TNRC6A: variants seen among roughly 807,000 people sequenced by gnomAD.
TNRC6A encodes trinucleotide repeat-containing gene 6A protein.
TNRC6A carries 44 observed loss-of-function variants against 221.2 expected under a neutral mutation model. That is an observed-to-expected ratio of 0.20 (90% CI 0.16 to 0.26). TNRC6A has a LOEUF of 0.26. TNRC6A is among the 10% of genes least tolerant of loss of function. The pLI is 1.00. For synonymous variants in TNRC6A, 847 were observed against 838.5 expected (o/e 1.01, Z -0.18); for missense variants, 2,199 against 2,404.4 (o/e 0.91, Z 1.79).
chr16:24,691,365 G>A (rs995411324), intron 2 of TNRC6A, among the ~76,000 whole-genome samples: 3 of 152,020 alleles, frequency 2.0e-5, no homozygotes, highest in East Asian at 1.9e-4. Context: ...TAACAGGCAT[G>A]AGCCACTGCG....
intron 1 of TNRC6A, among the ~76,000 whole-genome samples, chr16:24,618,823 T>C (rs1359994300): frequency 1.3e-5 from 2 of 150,790 alleles, no homozygotes; most frequent in Non-Finnish European, 3.0e-5. Context: ...AGAGATGGGG[T>C]TTCACCATGT....
At chr16:24,811,497 A>G (rs1323501557) in intron 18 of TNRC6A, among the ~76,000 whole-genome samples, 1 of 152,178 alleles carries the variant, frequency 6.6e-6, no homozygotes, top group Non-Finnish European at 1.5e-5. Flanking sequence ...TGAAGCTGAG[A>G]TATGAAAGAT....
rs769363595 is a variant in TNRC6A, at chr16:24,791,758, T to C, written c.3116T>C (p.Val1039Ala). The C allele has an allele frequency of 6.2e-7, 1 of 1,601,248 alleles. No homozygotes were observed. The highest frequency in any genetic ancestry group is 1.3e-5 in the African/African-American group (1 of 74,084). ...GNSRSDQQAQ[V>A]HQLLTPASAI... ...AGCCGTTCAGACCAGCAAGCACAGG[T>C]ACATCAGCTGCTAACGCCTGCAAGT... Residue 1039 changes from valine to alanine, a missense_variant, in exon 6 of 25, where the codon GTA (valine) becomes GCA (alanine). By Grantham distance (64) the Val-to-Ala change is moderately conservative. Around this residue, in one of 8 missense-constraint regions of TNRC6A, gnomAD observed 1,405 missense variants for 1,400.2 expected, o/e 1.00. Coordinates refer to ENST00000395799, the MANE Select transcript of TNRC6A (RefSeq NM_014494.4).
chr16:24,696,751 G>GAAAAAAAAAAAA (rs2055872388), intron 2 of TNRC6A, among the ~76,000 whole-genome samples: 2 of 42,632 alleles, frequency 4.7e-5, no homozygotes, highest in African/African-American at 2.3e-4. Flanking sequence ...AAAAAGAAAG[G>GAAAAAAAAAAAA]AAAGGAAAGG....
chr16:24,721,949 AT>A (rs772080125), intron 2 of TNRC6A, among the ~76,000 whole-genome samples: 1 of 152,134 alleles, frequency 6.6e-6, no homozygotes, highest in Non-Finnish European at 1.5e-5. Context: ...GACAGCACTA[AT>A]TTGTGGTGAT....
At chr16:24,806,392 G>A in intron 16 of TNRC6A, 109 bp downstream of exon 16, 1 of 1,429,362 alleles carries the variant, frequency 7.0e-7, no homozygotes, top group Non-Finnish European at 9.6e-7. Flanking sequence ...ATCTTACTAA[G>A]ATGTAATGCA....
At chr16:24,800,190 G>A (rs1482283443) in intron 11 of TNRC6A, among the ~76,000 whole-genome samples, 3 of 152,198 alleles carry the variant, frequency 2.0e-5, no homozygotes, top group Non-Finnish European at 1.5e-5. Flanking sequence ...TGAGTGTTCT[G>A]TAAGTGGCTC....
chr16:24,786,532 T>C (rs1174060760), intron 5 of TNRC6A, among the ~76,000 whole-genome samples: 1 of 151,870 alleles, frequency 6.6e-6, no homozygotes, highest in Admixed American at 6.6e-5. Context: ...GCCAGGATGG[T>C]CTCGATCTGC....
chr16:24,736,692 A>G (rs1306845982), intron 2 of TNRC6A, among the ~76,000 whole-genome samples: 1 of 152,186 alleles, frequency 6.6e-6, no homozygotes, highest in Non-Finnish European at 1.5e-5. Flanking sequence ...TGTCTTCAGT[A>G]TTCCCTCCCC....
At chr16:24,664,799 ACACACACACAC>A in intron 2 of TNRC6A, 1 of 431,890 alleles carries the variant, frequency 2.3e-6, no homozygotes, top group African/African-American at 2.2e-5. Context: ...ACACACACAC[ACACACACACAC>A]ACAAAACCTA....
chr16:24,629,576 T>C (rs1901226201), intron 1 of TNRC6A, among the ~76,000 whole-genome samples: 1 of 152,222 alleles, frequency 6.6e-6, no homozygotes, highest in Non-Finnish European at 1.5e-5. Context: ...CGCCCAGTAC[T>C]GCCCCCTAAT....
At chr16:24,648,274 C>CTTTTTTTTTTTTTTT (rs71156430) in intron 2 of TNRC6A, among the ~76,000 whole-genome samples, 2,223 of 97,612 alleles carry the variant, frequency 0.023, 355 homozygotes, top group African/African-American at 0.045. Context: ...TCCACAGCAA[C>CTTTTTTTTTTTTTTT]TTTTTTTTTT....
chr16:24,752,812 G>C (rs761897815), intron 3 of TNRC6A, among the ~76,000 whole-genome samples: 4 of 152,160 alleles, frequency 2.6e-5, no homozygotes, highest in Non-Finnish European at 5.9e-5. Flanking sequence ...ATTAGGCTCT[G>C]TTGGTCCCTG....
chr16:24,712,680 C>T (rs112927956), intron 2 of TNRC6A, among the ~76,000 whole-genome samples: 4,136 of 152,240 alleles, frequency 0.027, 77 homozygotes, highest in Non-Finnish European at 0.039. Context: ...TAATTTTACC[C>T]TTTTTGTTGG....
intron 2 of TNRC6A, among the ~76,000 whole-genome samples, chr16:24,690,964 C>A (rs550559921): frequency 6.6e-6 from 1 of 151,916 alleles, no homozygotes; most frequent in Non-Finnish European, 1.5e-5. Context: ...CCCGCCACCA[C>A]GCCCGGCTAA....
At chr16:24,822,413 T>C (rs2058784044) in intron 23 of TNRC6A, among the ~76,000 whole-genome samples, 4 of 152,192 alleles carry the variant, frequency 2.6e-5, no homozygotes, top group Non-Finnish European at 5.9e-5. Context: ...GCTGGGACTC[T>C]GCATTTGTAT....
chr16:24,788,352 A>G (rs979041800), intron 5 of TNRC6A, among the ~76,000 whole-genome samples: 6 of 152,240 alleles, frequency 3.9e-5, no homozygotes, highest in African/African-American at 1.4e-4. Flanking sequence ...AAATACTGTT[A>G]CTTGGCTGTA....
At chr16:24,625,904 T>C (rs1900962217) in intron 1 of TNRC6A, among the ~76,000 whole-genome samples, 1 of 152,028 alleles carries the variant, frequency 6.6e-6, no homozygotes, top group African/African-American at 2.4e-5. Context: ...AGTGTTAAGT[T>C]TGTTTATTTT....
chr16:24,661,828 G>C (rs1490362403), intron 2 of TNRC6A: 1 of 152,152 alleles, frequency 6.6e-6, no homozygotes, highest in Admixed American at 6.5e-5. Context: ...TGCCCAGTGT[G>C]GCAAGGAAAC....
Sources: allele counts gnomAD v4.1 joint callset (sites outside exome capture counted in the v4.1 genomes callset), GRCh38; gene constraint gnomAD v4.1.1; regional missense constraint gnomAD v4.1.1; transcripts MANE v1.5; gene names NCBI Gene and HGNC (gene_info 2026-07-23, HGNC 2026-07-21).